The following DAB1 variants were observed in gnomAD, a reference collection of about 807,000 sequenced individuals.
DAB1 encodes DAB adaptor protein 1, also known as disabled homolog 1.
Under a neutral mutation model 64.6 loss-of-function variants are expected in DAB1, and 15 were observed. The ratio of observed to expected loss-of-function variants is 0.23; its 90% confidence interval spans 0.16 to 0.36. The LOEUF (loss-of-function observed/expected upper bound fraction) is 0.36. Among genes scored for constraint, DAB1 ranks in the 10% least tolerant of loss-of-function variants. The pLI is 1.00. For synonymous variants in DAB1, 235 were observed against 251.9 expected, an observed-to-expected ratio of 0.93 and a Z score of 0.64; for missense variants, 596 against 706.7, an observed-to-expected ratio of 0.84 and a Z score of 1.78.
At chr1:57,681,756 G>T (rs1042259987) in intron 6 of DAB1, among the ~76,000 whole-genome samples, 6 of 152,204 alleles carry the variant, frequency 3.9e-5, no homozygotes, top group Admixed American at 6.5e-5. Context: ...AAGAAAGTCT[G>T]CCTGCACTGC....
intron 9 of DAB1, chr1:57,033,610 A>G: frequency 6.4e-7 from 1 of 1,571,400 alleles, no homozygotes; most frequent in Non-Finnish European, 8.7e-7. Context: ...GGATGAAGTG[A>G]ATGACACACA....
chr1:58,274,137 G>C (rs983515009), intron 4 of DAB1, among the ~76,000 whole-genome samples: 2 of 142,064 alleles, frequency 1.4e-5, no homozygotes, highest in South Asian at 2.6e-4. Flanking sequence ...CCATCTTTGT[G>C]GTTTTATCTA....
At chr1:58,360,029 A>G (rs1030980412) in intron 3 of DAB1, among the ~76,000 whole-genome samples, 2 of 152,176 alleles carry the variant, frequency 1.3e-5, no homozygotes, top group African/African-American at 4.8e-5. Flanking sequence ...AATCAAATTG[A>G]GCACCTACCA....
At chr1:57,424,939 G>C (rs903381597), upstream of DAB1, among the ~76,000 whole-genome samples, 2 of 152,204 alleles carry the variant, frequency 1.3e-5, no homozygotes, top group African/African-American at 4.8e-5. Flanking sequence ...CCTCCGATTC[G>C]AAGCTGTGCG....
At chr1:58,056,353 T>A (rs893841892) in intron 5 of DAB1, 3 of 1,587,998 alleles carry the variant, frequency 1.9e-6, no homozygotes, top group Non-Finnish European at 2.6e-6. Flanking sequence ...CTTCACTATG[T>A]TTCGAATGAC....
chr1:57,170,181 T>C (rs1165273702), intron 2 of DAB1, among the ~76,000 whole-genome samples: 3 of 151,852 alleles, frequency 2.0e-5, no homozygotes, highest in Non-Finnish European at 4.4e-5. Context: ...ACATTTTTGG[T>C]AGAGACAAGA....
intron 2 of DAB1, among the ~76,000 whole-genome samples, chr1:57,239,832 G>T (rs1222799177): frequency 6.6e-6 from 1 of 152,106 alleles, no homozygotes; most frequent in East Asian, 1.9e-4. Context: ...CTATCTGTCA[G>T]GTCATTTGTC....
chr1:57,656,588 A>T (rs1646321643), intron 6 of DAB1, among the ~76,000 whole-genome samples: 1 of 152,238 alleles, frequency 6.6e-6, no homozygotes, highest in South Asian at 2.1e-4. Context: ...AGATCTTGGA[A>T]TAAGCCCAAA....
chr1:58,436,848 C>T (rs1031308070), intron 3 of DAB1, among the ~76,000 whole-genome samples: 19 of 152,260 alleles, frequency 1.2e-4, no homozygotes, highest in Middle Eastern at 3.4e-3. Context: ...GGTATTGCTA[C>T]CCCCACATAC....
At chr1:57,101,463 T>C (rs1056040191) in intron 4 of DAB1, among the ~76,000 whole-genome samples, 8 of 152,328 alleles carry the variant, frequency 5.3e-5, no homozygotes, top group Admixed American at 5.2e-4. Context: ...TCAACTTCAG[T>C]CTCTGATGTG....
At chr1:58,428,977 G>A (rs12736679) in intron 3 of DAB1, among the ~76,000 whole-genome samples, 13,249 of 152,246 alleles carry the variant, frequency 0.087, 738 homozygotes, top group Admixed American at 0.12. Flanking sequence ...TAACAGAAAC[G>A]TTCAATCTTG....
chr1:57,174,234 C>A (rs1020300459), intron 2 of DAB1, among the ~76,000 whole-genome samples: 1 of 152,166 alleles, frequency 6.6e-6, no homozygotes, highest in Admixed American at 6.6e-5. Flanking sequence ...ACTTACCCCA[C>A]CCTCTCTACA....
intron 5 of DAB1, among the ~76,000 whole-genome samples, chr1:58,129,331 A>G (rs1653361278): frequency 6.7e-6 from 1 of 148,480 alleles, no homozygotes; most frequent in Admixed American, 6.7e-5. Flanking sequence ...TATTGTGTCT[A>G]TTTGATTCTT....
chr1:57,374,619 T>A (rs915784177), intron 1 of DAB1, among the ~76,000 whole-genome samples: 3 of 152,206 alleles, frequency 2.0e-5, no homozygotes, highest in Admixed American at 6.5e-5. Flanking sequence ...CCTAGACAAT[T>A]CTTTCTTCAT....
At chr1:57,483,243 C>T (rs1276768331) in intron 7 of DAB1, among the ~76,000 whole-genome samples, 1 of 152,154 alleles carries the variant, frequency 6.6e-6, no homozygotes, top group African/African-American at 2.4e-5. Flanking sequence ...TGTGTCCCCA[C>T]CCAAATCTCA....
chr1:58,292,731 C>T (rs997371929), intron 4 of DAB1, among the ~76,000 whole-genome samples: 1 of 152,006 alleles, frequency 6.6e-6, no homozygotes, highest in Admixed American at 6.5e-5. Flanking sequence ...GGTACTCAGA[C>T]CAAAAGGTGG....
intron 4 of DAB1, among the ~76,000 whole-genome samples, chr1:58,244,422 A>C (rs1660443279): frequency 6.6e-6 from 1 of 152,184 alleles, no homozygotes; most frequent in African/African-American, 2.4e-5. Context: ...TTATTTGTGG[A>C]ATGTGAATAT....
At chr1:58,233,613 A>T (rs992736787) in intron 4 of DAB1, among the ~76,000 whole-genome samples, 2 of 152,154 alleles carry the variant, frequency 1.3e-5, no homozygotes, top group Non-Finnish European at 2.9e-5. Context: ...ATCCCCTGTA[A>T]TTGTATAAGG....
chr1:57,422,884 C>G (rs1427715970), intron 1 of DAB1, among the ~76,000 whole-genome samples: 1 of 152,160 alleles, frequency 6.6e-6, no homozygotes, highest in African/African-American at 2.4e-5. Flanking sequence ...AGAAAAAGCG[C>G]CTTAAAAAGT....
Sources: gnomAD v4.1 joint callset for allele counts (sites outside exome capture counted in the v4.1 genomes callset) on GRCh38, gnomAD v4.1.1 for gene constraint, MANE v1.5 for transcripts, NCBI Gene and HGNC (gene_info 2026-07-23, HGNC 2026-07-21) for gene names.